Variants in UBR3 observed in about 807,000 individuals in gnomAD.
The protein encoded by UBR3 is ubiquitin protein ligase E3 component n-recognin 3, also known as E3 ubiquitin-protein ligase UBR3.
Under a neutral mutation model 243.2 loss-of-function variants are expected in UBR3, and 85 were observed. That is an observed-to-expected ratio of 0.35 (90% CI 0.29 to 0.42). The LOEUF is 0.42. Among genes scored for constraint, UBR3 ranks in the 10% least tolerant of loss-of-function variants. The probability of loss-of-function intolerance (pLI) is 1.00; values close to 1 mark genes in which losing one functional copy is unlikely to be tolerated. For missense variants in UBR3, 1,686 were observed against 2,300.8 expected, an observed-to-expected ratio of 0.73 and a Z score of 5.47; for synonymous variants, 748 against 799.8, an observed-to-expected ratio of 0.94 and a Z score of 1.09.
intron 28 of UBR3, 46 bp downstream of exon 28, chr2:170,007,236 G>T: frequency 6.5e-7 from 1 of 1,527,850 alleles, no homozygotes; most frequent in Non-Finnish European, 8.8e-7. Flanking sequence ...ACTCAGCTCT[G>T]ATTTTCTGCT....
At chr2:170,023,919 G>A (rs1042416568) in intron 30 of UBR3, among the ~76,000 whole-genome samples, 4 of 151,900 alleles carry the variant, frequency 2.6e-5, no homozygotes, top group Non-Finnish European at 4.4e-5. Flanking sequence ...CACCATGTTG[G>A]TCTCGATCTC....
chr2:169,890,563 A>ATATATATGTGTGTGTG (rs1255881148), intron 5 of UBR3, among the ~76,000 whole-genome samples: 52 of 83,858 alleles, frequency 6.2e-4, no homozygotes, highest in East Asian at 3.0e-3. Flanking sequence ...ATATATATAT[A>ATATATATGTGTGTGTG]TGTGTATATA....
At position 169,883,977 on chromosome 2, in the gene UBR3, C is replaced by T. The variant is rs77098023; in HGVS notation, c.1038+5403C>T. Among the ~76,000 whole-genome samples the T allele has an allele frequency of 7.6e-3, 1,162 of 151,986 alleles. 17 individuals are homozygous for T. The highest frequency in any genetic ancestry group is 0.027 in the African/African-American group (1,103 of 41,418). On this transcript the variant is annotated intron_variant, in intron 5 of 38. Transcript: ENST00000272793. ...CCTCCCGACTAGCTGTGACTACAGG[C>T]GCGTGCCACCACACCCAGCTAATTT...
chr2:170,075,895 C>T (rs1165368540), intron 36 of UBR3, among the ~76,000 whole-genome samples: 3 of 143,578 alleles, frequency 2.1e-5, no homozygotes, highest in Non-Finnish European at 4.6e-5. Context: ...ATAAGGAAAA[C>T]CAAAGCAAAC....
chr2:169,922,103 A>G (rs2085723494), intron 11 of UBR3, among the ~76,000 whole-genome samples: 1 of 151,932 alleles, frequency 6.6e-6, no homozygotes, highest in Non-Finnish European at 1.5e-5. Flanking sequence ...TCTGGGCAAC[A>G]TGGCAAAAAC....
rs1156700286 is a variant in UBR3, at chr2:169,958,327, A to T, written c.3546-111A>T. The T allele has an allele frequency of 5.1e-6, 4 of 788,368 alleles. No individual in the cohort carries two copies. In the East Asian group the frequency reaches 8.0e-5, roughly 16 times the overall value. 48.8% of individuals were successfully genotyped at this position (788,368 alleles called of 1,614,324 possible). A position where few individuals can be genotyped will look rare whatever the true frequency, so the allele number is the denominator to read the frequency against. On this transcript the variant is annotated intron_variant, in intron 23 of 38. Transcript: ENST00000272793. ...ATTTAATACATAATACAGAAAATAG[A>T]TTGTTCTCACCTGTGTGCCAGGGGC...
At chr2:169,953,798 G>A (rs1360751199) in intron 23 of UBR3, among the ~76,000 whole-genome samples, 1 of 152,198 alleles carries the variant, frequency 6.6e-6, no homozygotes, top group Non-Finnish European at 1.5e-5. Context: ...AAGGTGAGCT[G>A]TAGAGTGAGT....
chr2:170,083,621 A>C lies in UBR3; in HGVS notation c.*1778A>C, dbSNP rs1439207319. The C allele has an allele frequency of 6.6e-6, 1 of 152,612 alleles. No individual in the cohort carries two copies. Among genetic ancestry groups the C allele is most frequent in the Admixed American group, 6.5e-5 (1 of 15,286 alleles). The allele number at this position is 152,612 out of a possible 1,614,324, so 9.5% of individuals were successfully genotyped here. A position where few individuals can be genotyped will look rare whatever the true frequency, so the allele number is the denominator to read the frequency against. ...TGAACTTGAATAATTCTACAGTTTG[A>C]AACTCTGATGCTATATATACATGGT... On this transcript the variant is annotated 3_prime_UTR_variant, in exon 39 of 39. Coordinates refer to ENST00000272793, the MANE Select transcript of UBR3 (RefSeq NM_172070.4).
At chr2:170,024,555 G>A (rs998755473) in intron 30 of UBR3, among the ~76,000 whole-genome samples, 1 of 151,692 alleles carries the variant, frequency 6.6e-6, no homozygotes, top group Non-Finnish European at 1.5e-5. Flanking sequence ...TGTGTGTGTG[G>A]TATTCATACA....
At chr2:169,980,074 C>G (rs1474203347) in intron 24 of UBR3, among the ~76,000 whole-genome samples, 1 of 152,146 alleles carries the variant, frequency 6.6e-6, no homozygotes, top group Non-Finnish European at 1.5e-5. Flanking sequence ...GCAAAAGAAA[C>G]TGTGTATAAC....
At chr2:170,057,172 A>G (rs1264631172) in intron 33 of UBR3, among the ~76,000 whole-genome samples, 1 of 148,966 alleles carries the variant, frequency 6.7e-6, no homozygotes, top group Admixed American at 6.7e-5. Context: ...CTGTAGTGCA[A>G]TGGTATGATC....
chr2:170,080,797 A>C, intron 38 of UBR3, 113 bp downstream of exon 38: 1 of 1,203,184 alleles, frequency 8.3e-7, no homozygotes. Flanking sequence ...AAATTCTGAC[A>C]GTCATTAATT....
chr2:170,051,063 A>T (rs2091205174), intron 32 of UBR3, among the ~76,000 whole-genome samples: 1 of 152,168 alleles, frequency 6.6e-6, no homozygotes, highest in South Asian at 2.1e-4. Flanking sequence ...AATAGTTGTT[A>T]TACTGTATTT....
Position 169,955,793 on chromosome 2 carries a change from C to CAAAAAAAAAAAAAAAAAAA in UBR3, c.3546-2627_3546-2626insAAAAAAAAAAAAAAAAAAA, listed in dbSNP as rs56238118. 2.5e-5 allele frequency among the ~76,000 whole-genome samples: 2 copies of CAAAAAAAAAAAAAAAAAAA among 78,542 alleles called. 1 individual carries two copies. The highest frequency in any genetic ancestry group is 4.9e-5 in the Non-Finnish European group (2 of 41,030). The allele number at this position is 78,542 out of a possible 152,430, so 51.5% of individuals were successfully genotyped here. ...TGGGCCATAGAGTGAGACTCCATCT[C>CAAAAAAAAAAAAAAAAAAA]AAAAAAAAAAAAAAAAAAGATGTTG... On this transcript the variant is annotated intron_variant, in intron 23 of 38. Transcript: ENST00000272793.
chr2:170,004,933 A>G (rs34361407), intron 27 of UBR3, among the ~76,000 whole-genome samples: 30,644 of 151,286 alleles, frequency 0.2, 3,438 homozygotes, highest in East Asian at 0.37. Context: ...ACAAAAAGAA[A>G]GAGAACAAGG....
rs534221505 is a variant in UBR3, at chr2:169,995,276, T to C, written c.3918+820T>C. On this transcript the variant is annotated intron_variant, in intron 26 of 38. Transcript: ENST00000272793. ...TAACGATTTTCACTTTGCAAACATTTATTCCTTAATTTAACCCATCACCAC... is the reference window on the plus strand; with the variant it reads ...TAACGATTTTCACTTTGCAAACATTCATTCCTTAATTTAACCCATCACCAC... 1.8e-4 allele frequency among the ~76,000 whole-genome samples: 28 copies of C among 152,332 alleles called. 2 individuals carry two copies. The South Asian group carries it at 2.7e-3, about 15-fold the overall frequency.
In UBR3 at chr2:169,959,684, A is replaced by G. The variant is rs1340671084; in HGVS notation, c.3634+1158A>G. Among the ~76,000 whole-genome samples, 5 of 152,180 alleles carry G rather than the reference A, an allele frequency of 3.3e-5. No homozygotes were observed. In the East Asian group the frequency reaches 5.8e-4, roughly 18 times the overall value. On this transcript the variant is annotated intron_variant, in intron 24 of 38. Coordinates refer to ENST00000272793, the MANE Select transcript of UBR3 (RefSeq NM_172070.4). ...TCAGCCATCTGCAAGCTGGGGGATG[A>G]GAAAAGCTAGTACCATAGTTCATTC...
At chr2:170,054,372 C>T (rs1023698918) in intron 32 of UBR3, among the ~76,000 whole-genome samples, 1 of 151,886 alleles carries the variant, frequency 6.6e-6, no homozygotes, top group Non-Finnish European at 1.5e-5. Context: ...ACCTCCGCCT[C>T]CCGGGTTCAA....
At chr2:170,019,025 T>C (rs1016270406) in intron 30 of UBR3, among the ~76,000 whole-genome samples, 15 of 152,196 alleles carry the variant, frequency 9.9e-5, no homozygotes, top group Admixed American at 9.8e-4. Context: ...TAAAAAATTA[T>C]TTCATTTGTA....
Sources: allele counts gnomAD v4.1 joint callset (sites outside exome capture counted in the v4.1 genomes callset), GRCh38; gene constraint gnomAD v4.1.1; transcripts MANE v1.5; gene names NCBI Gene and HGNC (gene_info 2026-07-23, HGNC 2026-07-21).